The following PLAC8 variants were observed in gnomAD, a reference collection of about 807,000 sequenced individuals.
PLAC8 encodes placenta associated 8.
In PLAC8, 6 loss-of-function variants were observed where a neutral mutation model predicts 12.6. That is an observed-to-expected ratio of 0.48 (90% CI 0.26 to 0.94). PLAC8 has a LOEUF of 0.94. PLAC8 is among the 40% of genes least tolerant of loss of function. The pLI is 0.14. For synonymous variants in PLAC8, 54 were observed against 52.6 expected (o/e 1.03, Z -0.11); for missense variants, 122 against 152.7 (o/e 0.80, Z 1.06).
intron 3 of PLAC8, among the ~76,000 whole-genome samples, chr4:83,101,214 C>T (rs1732092256): frequency 6.6e-6 from 1 of 152,076 alleles, no homozygotes; most frequent in South Asian, 2.1e-4. Context: ...CCCGTCTCTA[C>T]TAAAAATACA....
intron 3 of PLAC8, among the ~76,000 whole-genome samples, chr4:83,098,570 T>C (rs1310934069): frequency 2.0e-5 from 3 of 152,228 alleles, no homozygotes; most frequent in Non-Finnish European, 2.9e-5. Flanking sequence ...CTTTCAAAGA[T>C]GATTTTTATG....
At chr4:83,113,737 T>A (rs1190201291) in intron 1 of PLAC8, among the ~76,000 whole-genome samples, 1 of 152,104 alleles carries the variant, frequency 6.6e-6, no homozygotes, top group Admixed American at 6.6e-5. Flanking sequence ...ATGGGAATCT[T>A]GGTGGGCAAG....
rs6851716 is a variant in PLAC8 at position 83,097,046 on chromosome 4, T to C, written c.244-2255A>G. Among the ~76,000 whole-genome samples the C allele has an allele frequency of 8.8e-3, 1,346 of 152,334 alleles. 16 individuals are homozygous for C. Among genetic ancestry groups the C allele is most frequent in the Non-Finnish European group, 0.013 (884 of 68,020 alleles). ...AGAAACCAGTATAAAACGGTACCTT[T>C]AACTTTGGAGATCTGTCTTGCCTTC... On this transcript the variant is annotated intron_variant, in intron 3 of 4. Coordinates refer to ENST00000311507, the MANE Select transcript of PLAC8 (RefSeq NM_016619.3).
At chr4:83,093,344 T>C (rs904180977) in intron 4 of PLAC8, 2 of 152,258 alleles carry the variant, frequency 1.3e-5, no homozygotes, top group Non-Finnish European at 2.9e-5. Context: ...CAACCCTCTC[T>C]TGAGAGGATA....
rs1732293321 is a variant in PLAC8, at chr4:83,107,744, T to C, written c.118+60A>G. 2.2e-6 allele frequency: 2 copies of C among 917,126 alleles called. 1 individual carries two copies. The highest frequency in any genetic ancestry group is 7.1e-5 in the East Asian group (2 of 28,102). 56.8% of individuals were successfully genotyped at this position (917,126 alleles called of 1,614,324 possible). On this transcript the variant is annotated intron_variant, in intron 2 of 4. Transcript: ENST00000311507. Reference sequence around the variant, plus strand: ...CAATAAGGGAGGAATGGGGGAAGGATTGAGTCATTGGTAATTCACCTCGGT... The same window carrying C: ...CAATAAGGGAGGAATGGGGGAAGGACTGAGTCATTGGTAATTCACCTCGGT...
At chr4:83,098,943 C>T (rs1295721631) in intron 3 of PLAC8, among the ~76,000 whole-genome samples, 2 of 152,004 alleles carry the variant, frequency 1.3e-5, no homozygotes, top group Non-Finnish European at 2.9e-5. Flanking sequence ...GTACAAAAAT[C>T]ATACAGGAAG....
At chr4:83,103,016 G>A (rs1732143311) in intron 3 of PLAC8, among the ~76,000 whole-genome samples, 1 of 151,292 alleles carries the variant, frequency 6.6e-6, no homozygotes, top group Admixed American at 6.6e-5. Context: ...AATCTGGGAG[G>A]CGGAGCTTGC....
At chr4:83,100,467 T>A (rs1578738783) in intron 3 of PLAC8, among the ~76,000 whole-genome samples, 1 of 151,542 alleles carries the variant, frequency 6.6e-6, no homozygotes, top group South Asian at 2.1e-4. Context: ...CTTTTCTTTA[T>A]AAATTACCCA....
chr4:83,096,886 G>C (rs149520298), intron 3 of PLAC8, among the ~76,000 whole-genome samples: 1,592 of 152,238 alleles, frequency 0.01, 37 homozygotes, highest in African/African-American at 0.036. Flanking sequence ...CCCTCACTAG[G>C]AGATGAGACT....
At chr4:83,099,974 C>T (rs1387728546) in intron 3 of PLAC8, among the ~76,000 whole-genome samples, 1 of 151,458 alleles carries the variant, frequency 6.6e-6, no homozygotes, top group Non-Finnish European at 1.5e-5. Flanking sequence ...CCACTGCACT[C>T]CAGCCTGGTG....
intron 3 of PLAC8, among the ~76,000 whole-genome samples, chr4:83,101,636 A>G (rs578069731): frequency 6.6e-6 from 1 of 152,254 alleles, no homozygotes; most frequent in Non-Finnish European, 1.5e-5. Flanking sequence ...AGATGCCATC[A>G]AGGAAATTCA....
intron 1 of PLAC8, among the ~76,000 whole-genome samples, chr4:83,108,463 G>C (rs1311076564): frequency 6.6e-6 from 1 of 152,142 alleles, no homozygotes; most frequent in Non-Finnish European, 1.5e-5. Context: ...GCTTGGTGGC[G>C]CGTGCCTGTA....
At chr4:83,097,865 T>G (rs1044364369) in intron 3 of PLAC8, among the ~76,000 whole-genome samples, 3 of 150,452 alleles carry the variant, frequency 2.0e-5, no homozygotes, top group Non-Finnish European at 3.0e-5. Flanking sequence ...TGAGGGTTTT[T>G]TTTTTTTTTT....
intron 3 of PLAC8, among the ~76,000 whole-genome samples, chr4:83,096,270 T>C (rs1403083718): frequency 1.3e-5 from 2 of 152,214 alleles, no homozygotes; most frequent in African/African-American, 4.8e-5. Context: ...GTCTCAGTCA[T>C]AATTTTGCAA....
chr4:83,098,521 C>T (rs1461557892), intron 3 of PLAC8, among the ~76,000 whole-genome samples: 3 of 152,238 alleles, frequency 2.0e-5, no homozygotes, highest in Non-Finnish European at 4.4e-5. Context: ...AGCTTTAGCA[C>T]CAAAGATGCA....
intron 1 of PLAC8, among the ~76,000 whole-genome samples, chr4:83,108,686 C>T (rs1578745176): frequency 1.3e-5 from 2 of 152,168 alleles, no homozygotes; most frequent in Admixed American, 1.3e-4. Flanking sequence ...AAGAGTGTTG[C>T]TCGTGTACTG....
At chr4:83,101,682 G>A (rs1732105772) in intron 3 of PLAC8, among the ~76,000 whole-genome samples, 1 of 152,226 alleles carries the variant, frequency 6.6e-6, no homozygotes, top group Non-Finnish European at 1.5e-5. Flanking sequence ...TGTATTCAAA[G>A]GTGCCAAAGA....
chr4:83,098,817 G>A (rs1732014046), intron 3 of PLAC8, among the ~76,000 whole-genome samples: 1 of 151,556 alleles, frequency 6.6e-6, no homozygotes. Context: ...TGTGATATCT[G>A]GTGTTTTAAA....
At chr4:83,112,188 T>TTATATATATATATA in intron 1 of PLAC8, among the ~76,000 whole-genome samples, 1 of 96,492 alleles carries the variant, frequency 1.0e-5, no homozygotes, top group African/African-American at 4.9e-5. Flanking sequence ...AAAAAAAAAT[T>TTATATATATATATA]TATATATATA....
Sources: allele counts gnomAD v4.1 joint callset (sites outside exome capture counted in the v4.1 genomes callset), GRCh38; gene constraint gnomAD v4.1.1; transcripts MANE v1.5; gene names NCBI Gene and HGNC (gene_info 2026-07-23, HGNC 2026-07-21).